PDE5A: variants seen among roughly 807,000 people sequenced by gnomAD.
PDE5A encodes cGMP-specific 3',5'-cyclic phosphodiesterase.
A neutral mutation model predicts 110.2 loss-of-function variants in PDE5A; 67 were observed. The ratio of observed to expected loss-of-function variants is 0.61; its 90% CI spans 0.50 to 0.75. The LOEUF is 0.75. Ranked by LOEUF, PDE5A falls within the 30% of genes least tolerant of loss-of-function variation. The probability of loss-of-function intolerance (pLI) is 0.00; values close to 1 mark genes in which losing one functional copy is unlikely to be tolerated. For synonymous variants in PDE5A, 328 were observed against 351.2 expected (o/e 0.93, Z 0.74); for missense variants, 862 against 1,045.1 (o/e 0.82, Z 2.42).
chr4:119,552,649 TAAA>T lies in PDE5A; in HGVS notation c.1309-15_1309-13del. 6.9e-7 allele frequency: 1 copy of T among 1,444,516 alleles called. No individual in the cohort carries two copies. The highest frequency in any genetic ancestry group is 9.4e-7 in the Non-Finnish European group (1 of 1,066,038). 89.5% of individuals were successfully genotyped at this position (1,444,516 alleles called of 1,614,324 possible). A position where few individuals can be genotyped will look rare whatever the true frequency, so the allele number is the denominator to read the frequency against. ...CCTGTATTTTCAGTCTAAACAAAAATAAAAAGAACAAAACAGCTAAAATGGTAA... is the reference window on the plus strand; with the variant it reads ...CCTGTATTTTCAGTCTAAACAAAAATAAGAACAAAACAGCTAAAATGGTAA... On this transcript the variant is annotated splice_polypyrimidine_tract_variant and intron_variant, in intron 8 of 20. Transcript: ENST00000354960.
In PDE5A at chr4:119,627,317, C is replaced by CCGCCCGT. The variant is rs1459228677; in HGVS notation, c.152+1196_152+1202dup. On this transcript the variant is annotated intron_variant, in intron 1 of 20. Coordinates refer to ENST00000354960, the MANE Select transcript of PDE5A (RefSeq NM_001083.4). The surrounding 1 kb of genome is among the most constrained non-coding windows in gnomAD (Gnocchi z 4.6). ...CCTCACGGCCCCGGCCTCCGCGCCG[C>CCGCCCGT]CGCCCGTCGCCTCCCGCTCGCCCCG... 5.0e-6 allele frequency: 6 copies of CCGCCCGT among 1,200,164 alleles called. No individual in the cohort carries two copies. The highest frequency in any genetic ancestry group is 1.0e-6 in the Non-Finnish European group (1 of 955,836). 74.3% of individuals were successfully genotyped at this position (1,200,164 alleles called of 1,614,324 possible).
At chr4:119,505,797 T>C (rs1263117996) in intron 17 of PDE5A, 58 bp downstream of exon 17, 2 of 988,202 alleles carry the variant, frequency 2.0e-6, no homozygotes, top group Admixed American at 5.2e-5. Flanking sequence ...GAGGAAAAAA[T>C]AGTGAGAAAA....
intron 13 of PDE5A, chr4:119,519,458 A>AT: frequency 4.2e-6 from 1 of 238,964 alleles, no homozygotes; most frequent in Non-Finnish European, 7.9e-6. Context: ...ACTTTAAATA[A>AT]TTGTTTTTTT....
intron 6 of PDE5A, among the ~76,000 whole-genome samples, chr4:119,561,292 C>T (rs1335853662): frequency 6.6e-6 from 1 of 152,094 alleles, no homozygotes; most frequent in African/African-American, 2.4e-5. Flanking sequence ...CTTACATTTT[C>T]ACCTTTGCTC....
At chr4:119,602,027 C>T (rs1312930755) in intron 2 of PDE5A, among the ~76,000 whole-genome samples, 1 of 152,066 alleles carries the variant, frequency 6.6e-6, no homozygotes, top group Non-Finnish European at 1.5e-5. Flanking sequence ...TGAATACTAT[C>T]TTGGATTGGG....
chr4:119,564,506 C>A (rs954736202), intron 5 of PDE5A, among the ~76,000 whole-genome samples: 2 of 151,932 alleles, frequency 1.3e-5, no homozygotes, highest in Non-Finnish European at 2.9e-5. Context: ...AGGCATAGGG[C>A]TAAATAGTGT....
At chr4:119,619,244 C>T (rs1730056321) in intron 1 of PDE5A, among the ~76,000 whole-genome samples, 2 of 152,082 alleles carry the variant, frequency 1.3e-5, no homozygotes, top group African/African-American at 4.8e-5. Flanking sequence ...CATAATTTGA[C>T]CTGGATCCAC....
intron 5 of PDE5A, 48 bp downstream of exon 5, chr4:119,565,273 A>C (rs199877732): frequency 7.7e-7 from 1 of 1,298,052 alleles, no homozygotes; most frequent in Admixed American, 1.8e-5. Flanking sequence ...AAAATGTAAC[A>C]ATTTTTAAAA....
intron 14 of PDE5A, chr4:119,512,259 T>C (rs1303689044): frequency 6.6e-6 from 1 of 152,086 alleles, no homozygotes; most frequent in East Asian, 1.9e-4. Flanking sequence ...TCTATTCTTA[T>C]TGTTTAAAGT....
chr4:119,624,228 C>A (rs1311133915), intron 1 of PDE5A, among the ~76,000 whole-genome samples: 1 of 152,048 alleles, frequency 6.6e-6, no homozygotes, highest in Non-Finnish European at 1.5e-5. Flanking sequence ...ACAACTGCCT[C>A]ACAAAATATG....
At chr4:119,545,982 TAA>T (rs1375470168) in intron 9 of PDE5A, among the ~76,000 whole-genome samples, 1 of 152,212 alleles carries the variant, frequency 6.6e-6, no homozygotes, top group Non-Finnish European at 1.5e-5. Context: ...GGAGCCAGAA[TAA>T]TTATCCTTAC....
At chr4:119,570,163 A>G (rs182353146) in intron 3 of PDE5A, among the ~76,000 whole-genome samples, 24 of 152,370 alleles carry the variant, frequency 1.6e-4, no homozygotes, top group African/African-American at 5.5e-4. Context: ...AAGGATCCTG[A>G]GCAAAACTGG....
At chr4:119,587,752 G>T (rs1435486943) in intron 3 of PDE5A, among the ~76,000 whole-genome samples, 2 of 152,112 alleles carry the variant, frequency 1.3e-5, no homozygotes, top group East Asian at 3.8e-4. Flanking sequence ...AGATCAACTG[G>T]TAGTCTGCTA....
At chr4:119,534,409 C>T (rs963932770) in intron 11 of PDE5A, among the ~76,000 whole-genome samples, 7 of 151,992 alleles carry the variant, frequency 4.6e-5, no homozygotes, top group Non-Finnish European at 8.8e-5. Context: ...TGAGGGATCT[C>T]GGTTGCATGC....
At chr4:119,601,575 A>C (rs907742775) in intron 2 of PDE5A, among the ~76,000 whole-genome samples, 1 of 151,918 alleles carries the variant, frequency 6.6e-6, no homozygotes, top group South Asian at 2.1e-4. Flanking sequence ...GGGTCATTCT[A>C]TCTAATTACT....
chr4:119,512,652 A>G (rs6844263), intron 14 of PDE5A, among the ~76,000 whole-genome samples: 79,500 of 151,708 alleles, frequency 0.52, 21,181 homozygotes, highest in African/African-American at 0.61. Flanking sequence ...TGAGGGAGAT[A>G]AGGGGATGAG....
rs55997249 is a variant in PDE5A, at chr4:119,592,456, TAAAAAAAAAAAA to T, written c.831+4055_831+4066del. On this transcript the variant is annotated intron_variant, in intron 3 of 20. Transcript: ENST00000354960. ...CTGGGTGACAGAGCGAGACTCTGTT[TAAAAAAAAAAAA>T]AAAAAAAAAAAAAAAAAAAGCTGTG... Among the ~76,000 whole-genome samples, 191 of 66,188 alleles carry T rather than the reference TAAAAAAAAAAAA, an allele frequency of 2.9e-3. 3 individuals are homozygous for T. The highest frequency in any genetic ancestry group is 0.011 in the African/African-American group (176 of 15,322). 43.4% of individuals were successfully genotyped at this position (66,188 alleles called of 152,430 possible).
chr4:119,529,714 T>G (rs1247661549), intron 11 of PDE5A, among the ~76,000 whole-genome samples: 1 of 152,158 alleles, frequency 6.6e-6, no homozygotes, highest in Non-Finnish European at 1.5e-5. Context: ...TGAAAGTACT[T>G]AGTTAAATTC....
chr4:119,564,939 C>T (rs1727872496), intron 5 of PDE5A, among the ~76,000 whole-genome samples: 1 of 152,048 alleles, frequency 6.6e-6, no homozygotes, highest in South Asian at 2.1e-4. Context: ...GCTAAGACAC[C>T]TGTCTTACAA....
Sources: allele counts gnomAD v4.1 joint callset (sites outside exome capture counted in the v4.1 genomes callset), GRCh38; gene constraint gnomAD v4.1.1; non-coding constraint Gnocchi (gnomAD v3.1); transcripts MANE v1.5; gene names NCBI Gene and HGNC (gene_info 2026-07-23, HGNC 2026-07-21).